Variants in ILRUN observed in about 807,000 individuals in gnomAD.
ILRUN encodes the protein protein ILRUN.
ILRUN carries 3 observed loss-of-function variants against 33.8 expected under a neutral mutation model. The ratio of observed to expected loss-of-function variants is 0.09; its 90% CI spans 0.04 to 0.23. The LOEUF (loss-of-function observed/expected upper bound fraction) is 0.23, where lower values mean the gene tolerates loss of function less well. ILRUN is among the 10% of genes least tolerant of loss of function. The pLI, the probability that ILRUN is intolerant of heterozygous loss-of-function variation, is 1.00. For missense variants in ILRUN, 210 were observed against 375.1 expected (o/e 0.56, Z 3.64); for synonymous variants, 124 against 138.9 (o/e 0.89, Z 0.75).
At chr6:34,624,503 GT>G (rs565693783) in intron 3 of ILRUN, among the ~76,000 whole-genome samples, 14 of 144,696 alleles carry the variant, frequency 9.7e-5, no homozygotes, top group South Asian at 2.2e-4. Flanking sequence ...TTGTTTTTTT[GT>G]TTTTTTTTTA....
At chr6:34,621,867 A>AC (rs934785544) in intron 3 of ILRUN, among the ~76,000 whole-genome samples, 4 of 151,890 alleles carry the variant, frequency 2.6e-5, no homozygotes, top group Non-Finnish European at 5.9e-5. Flanking sequence ...AGCTCAAAAA[A>AC]AAAACTAGTG....
At position 34,617,335 on chromosome 6, in the gene ILRUN, G is replaced by T. The variant is rs190329311; in HGVS notation, c.512-10431C>A. ...GCTCTCAAATTGAAAAAAAAAGTCAGTATTATGAGCAGGTCTTGACATCTT... is the reference window on the plus strand; with the variant it reads ...GCTCTCAAATTGAAAAAAAAAGTCATTATTATGAGCAGGTCTTGACATCTT... On this transcript the variant is annotated intron_variant, in intron 3 of 4. Coordinates refer to ENST00000374023, the MANE Select transcript of ILRUN (RefSeq NM_024294.4). 49 of 322,034 alleles carry T rather than the reference G, an allele frequency of 1.5e-4. No individual in the cohort carries two copies. In the East Asian group the frequency reaches 3.9e-3, roughly 26 times the overall value. 19.9% of individuals were successfully genotyped at this position (322,034 alleles called of 1,614,324 possible).
At chr6:34,637,026 C>A (rs1227489393) in intron 3 of ILRUN, among the ~76,000 whole-genome samples, 1 of 152,130 alleles carries the variant, frequency 6.6e-6, no homozygotes, top group East Asian at 1.9e-4. Flanking sequence ...GATGGACCAT[C>A]TAATGTTTTC....
chr6:34,679,841 T>C (rs184620461), intron 1 of ILRUN, among the ~76,000 whole-genome samples: 19 of 152,286 alleles, frequency 1.2e-4, no homozygotes, highest in African/African-American at 3.6e-4. Flanking sequence ...ATGTGACTAA[T>C]AAGGCAGACA....
At chr6:34,680,866 G>C (rs1763345302) in intron 1 of ILRUN, among the ~76,000 whole-genome samples, 1 of 151,500 alleles carries the variant, frequency 6.6e-6, no homozygotes, top group African/African-American at 2.4e-5. Context: ...AGGAAAGAAA[G>C]AAAAAGTACA....
At chr6:34,599,917 T>C (rs2262245) in intron 4 of ILRUN, among the ~76,000 whole-genome samples, 66,342 of 152,076 alleles carry the variant, frequency 0.44, 16,635 homozygotes, top group African/African-American at 0.7. Context: ...TTTCTTCTCT[T>C]TTACATCCCC....
chr6:34,646,814 A>C lies in ILRUN; in HGVS notation c.314-16T>G. ...GCCTCTGCCCCTGAGTTCAAGCAAA[A>C]GAAAAAAATGTTAGGCAATCAATGG... is the stretch of plus-strand genomic sequence containing the variant. On this transcript the variant is annotated splice_polypyrimidine_tract_variant and intron_variant, in intron 2 of 4. Coordinates refer to ENST00000374023, the MANE Select transcript of ILRUN (RefSeq NM_024294.4). The surrounding 1 kb of genome is among the most constrained non-coding windows in gnomAD (Gnocchi z 4.9). 2 of 1,612,872 alleles carry C rather than the reference A, an allele frequency of 1.2e-6. No homozygotes were observed. Among genetic ancestry groups the C allele is most frequent in the Non-Finnish European group, 1.7e-6 (2 of 1,179,752 alleles).
At chr6:34,641,674 T>C (rs1194147273) in intron 3 of ILRUN, among the ~76,000 whole-genome samples, 1 of 152,138 alleles carries the variant, frequency 6.6e-6, no homozygotes, top group Non-Finnish European at 1.5e-5. Flanking sequence ...TCAGATGAAT[T>C]ATTAAAATCC....
chr6:34,623,943 T>C (rs1200472508), intron 3 of ILRUN, among the ~76,000 whole-genome samples: 1 of 152,154 alleles, frequency 6.6e-6, no homozygotes, highest in East Asian at 1.9e-4. Flanking sequence ...GCGATTCTCG[T>C]GCCTCAGCCT....
At chr6:34,682,250 TG>T in intron 1 of ILRUN, among the ~76,000 whole-genome samples, 2 of 99,884 alleles carry the variant, frequency 2.0e-5, no homozygotes, top group South Asian at 3.1e-4. Context: ...CTGCAACCTC[TG>T]TTTTTTTTTT....
At chr6:34,604,812 A>G (rs1316192743) in intron 4 of ILRUN, among the ~76,000 whole-genome samples, 1 of 152,232 alleles carries the variant, frequency 6.6e-6, no homozygotes, top group African/African-American at 2.4e-5. Flanking sequence ...ATCCTTTGTA[A>G]TGAACATCTA....
chr6:34,599,500 G>C (rs899369443), intron 4 of ILRUN, among the ~76,000 whole-genome samples: 5 of 152,076 alleles, frequency 3.3e-5, no homozygotes, highest in African/African-American at 1.2e-4. Flanking sequence ...TAAAAGGCCA[G>C]GCATGCTGCT....
At chr6:34,633,438 C>T (rs1483609930) in intron 3 of ILRUN, among the ~76,000 whole-genome samples, 3 of 152,142 alleles carry the variant, frequency 2.0e-5, no homozygotes, top group East Asian at 3.9e-4. Context: ...CCAACTGGAT[C>T]GAACTGACAT....
chr6:34,676,308 A>T (rs1763228068), intron 1 of ILRUN, among the ~76,000 whole-genome samples: 1 of 151,670 alleles, frequency 6.6e-6, no homozygotes, highest in South Asian at 2.1e-4. Flanking sequence ...CTGAGGCAGG[A>T]GGATAATTTG....
chr6:34,615,552 T>C (rs935731585), intron 3 of ILRUN, among the ~76,000 whole-genome samples: 1 of 152,094 alleles, frequency 6.6e-6, no homozygotes. Context: ...GCCGAGATCA[T>C]GCCACTACAC....
chr6:34,690,586 C>T (rs2814950), intron 1 of ILRUN, among the ~76,000 whole-genome samples: 21 of 151,862 alleles, frequency 1.4e-4, no homozygotes, highest in African/African-American at 2.7e-4. Context: ...GGTTTCCCAT[C>T]AAAAAAAAGC....
At chr6:34,696,214 C>G (rs1317806549) in intron 1 of ILRUN, 2 of 514,138 alleles carry the variant, frequency 3.9e-6, no homozygotes, top group Non-Finnish European at 6.9e-6. Context: ...TCGCCCCCAC[C>G]ATCTCCCTTC....
intron 1 of ILRUN, chr6:34,686,928 G>C (rs1763534324): frequency 5.0e-6 from 1 of 201,912 alleles, no homozygotes; most frequent in Admixed American, 4.5e-5. Context: ...AAGCAGGGTA[G>C]CTATGGTGGG....
At chr6:34,665,182 TGGTAGCTCACC>T (rs1334477956) in intron 1 of ILRUN, among the ~76,000 whole-genome samples, 1 of 146,880 alleles carries the variant, frequency 6.8e-6, no homozygotes, top group Non-Finnish European at 1.5e-5. Context: ...AAGCTAGGCA[TGGTAGCTCACC>T]GCCTATAATC....
Sources: gnomAD v4.1 joint callset for allele counts (sites outside exome capture counted in the v4.1 genomes callset) on GRCh38, gnomAD v4.1.1 for gene constraint, Gnocchi (gnomAD v3.1) non-coding constraint, MANE v1.5 for transcripts, NCBI Gene and HGNC (gene_info 2026-07-23, HGNC 2026-07-21) for gene names.